The following ZNF469 variants were observed in gnomAD, a reference collection of about 807,000 sequenced individuals.
The protein encoded by ZNF469 is zinc finger protein 469.
Under a neutral mutation model 1.0 loss-of-function variants are expected in ZNF469, and 1 was observed. The ratio of observed to expected loss-of-function variants is 1.00; its 90% CI spans 0.35 to 4.73. The LOEUF is 4.73. Among genes scored for constraint, ZNF469 ranks in the 30% most tolerant of loss-of-function variants. The probability of loss-of-function intolerance (pLI) is 0.16; values close to 1 mark genes in which losing one functional copy is unlikely to be tolerated. For synonymous variants in ZNF469, 2,703 were observed against 2,363.4 expected (o/e 1.14, Z -4.17); for missense variants, 6,100 against 5,356.3 (o/e 1.14, Z -4.33).
intron 1 of ZNF469, among the ~76,000 whole-genome samples, chr16:88,394,303 C>G (rs1904592516): frequency 6.6e-6 from 1 of 152,198 alleles, no homozygotes; most frequent in Non-Finnish European, 1.5e-5. Flanking sequence ...ACGTCTACAC[C>G]TGTGCTGTCC....
the ZNF469 span, among the ~76,000 whole-genome samples, chr16:88,220,361 A>G: frequency 6.6e-6 from 1 of 152,188 alleles, no homozygotes; most frequent in Non-Finnish European, 1.5e-5. Context: ...AAATGGAGGA[A>G]GTCATGGAGG....
the ZNF469 span, among the ~76,000 whole-genome samples, chr16:88,345,419 G>T: frequency 6.6e-6 from 1 of 152,210 alleles, no homozygotes. Context: ...GTGGCCCAGG[G>T]CTTCCTTATG....
chr16:88,324,991 G>C, the ZNF469 span, among the ~76,000 whole-genome samples: 1 of 152,154 alleles, frequency 6.6e-6, no homozygotes, highest in Non-Finnish European at 1.5e-5. Context: ...AAGGTGAAGG[G>C]GGATCCAGCA....
chr16:88,410,840 G>A (rs1453194566), intron 1 of ZNF469, among the ~76,000 whole-genome samples: 10 of 152,162 alleles, frequency 6.6e-5, no homozygotes, highest in African/African-American at 1.9e-4. Flanking sequence ...GCAGTGAAGC[G>A]ATGACCCGAC....
the ZNF469 span, among the ~76,000 whole-genome samples, chr16:88,164,500 T>C: frequency 6.6e-6 from 1 of 151,722 alleles, no homozygotes; most frequent in Non-Finnish European, 1.5e-5. Context: ...TAGATGGATG[T>C]TTGGATGAGC....
At chr16:88,400,030 G>C (rs1004577341) in intron 1 of ZNF469, among the ~76,000 whole-genome samples, 2 of 152,264 alleles carry the variant, frequency 1.3e-5, no homozygotes, top group Non-Finnish European at 2.9e-5. Context: ...CTGCCTCATA[G>C]GGTGAGTGAG....
chr16:88,164,312 G>A, the ZNF469 span, among the ~76,000 whole-genome samples: 1 of 151,726 alleles, frequency 6.6e-6, no homozygotes, highest in Non-Finnish European at 1.5e-5. Flanking sequence ...GATGGATGCA[G>A]GGATGATAGA....
At chr16:88,184,641 C>A in the ZNF469 span, among the ~76,000 whole-genome samples, 1 of 151,954 alleles carries the variant, frequency 6.6e-6, no homozygotes. Flanking sequence ...TGAGTAGCAC[C>A]GCTGTCGCCG....
chr16:88,401,519 A>ATGGATGGATGGATGCATGGG (rs879284375), intron 1 of ZNF469, among the ~76,000 whole-genome samples: 9 of 106,426 alleles, frequency 8.5e-5, no homozygotes, highest in Non-Finnish European at 1.4e-4. Context: ...GGGTGAGTGG[A>ATGGATGGATGGATGCATGGG]TGGATGGATG....
the ZNF469 span, among the ~76,000 whole-genome samples, chr16:88,374,380 T>C: frequency 5.3e-5 from 8 of 152,178 alleles, no homozygotes; most frequent in African/African-American, 1.9e-4. Flanking sequence ...ACATACAGAA[T>C]GAGTGAGGTG....
chr16:88,410,706 C>T (rs950155116), intron 1 of ZNF469, among the ~76,000 whole-genome samples: 12 of 149,534 alleles, frequency 8.0e-5, no homozygotes, highest in East Asian at 2.0e-4. Flanking sequence ...ACACAGTTCA[C>T]GGTGACGTCT....
Position 88,433,072 on chromosome 16 carries a change from C to G in ZNF469, c.5602C>G (p.Pro1868Ala). 1 of 1,550,330 alleles carries G rather than the reference C, an allele frequency of 6.5e-7. No homozygotes were observed. The highest frequency in any genetic ancestry group is 8.7e-7 in the Non-Finnish European group (1 of 1,146,956). The change falls in exon 3 of 3, where the codon CCC (proline) becomes GCC (alanine). Residue 1868 changes from proline (P) to alanine (A), a missense_variant. Coordinates refer to ENST00000565624, the MANE Select transcript of ZNF469 (RefSeq NM_001367624.2). ...GGCGGGGGCCTCCTCACTGACTGCC[C>G]CCCGGGGCAGGGAGGCTTGGTTGGT... ...APAGASSLTAPRGREAWLVPV... is the reference protein window; with the variant it reads ...APAGASSLTAARGREAWLVPV...
the ZNF469 span, among the ~76,000 whole-genome samples, chr16:88,295,410 G>T: frequency 1.1e-3 from 152 of 135,572 alleles, no homozygotes; most frequent in Non-Finnish European, 1.9e-3. Flanking sequence ...AGGGCTCAGG[G>T]TCTGGGGAGG....
the ZNF469 span, among the ~76,000 whole-genome samples, chr16:88,133,254 A>C: frequency 6.6e-6 from 1 of 152,326 alleles, no homozygotes; most frequent in African/African-American, 2.4e-5. Flanking sequence ...CCTAAGAATA[A>C]AGGGTTACTT....
At chr16:88,409,272 T>G (rs1746546581) in intron 1 of ZNF469, among the ~76,000 whole-genome samples, 1 of 152,248 alleles carries the variant, frequency 6.6e-6, no homozygotes, top group Non-Finnish European at 1.5e-5. Flanking sequence ...CGAGGTCTCT[T>G]GGAGCCATCT....
the ZNF469 span, among the ~76,000 whole-genome samples, chr16:88,101,818 C>G: frequency 6.6e-6 from 1 of 152,150 alleles, no homozygotes; most frequent in Non-Finnish European, 1.5e-5. Flanking sequence ...AAGTGACAAT[C>G]GCAGCTTCCA....
the ZNF469 span, among the ~76,000 whole-genome samples, chr16:88,169,808 C>T: frequency 6.6e-6 from 1 of 152,300 alleles, no homozygotes; most frequent in African/African-American, 2.4e-5. The surrounding 1 kb of genome is among the most constrained non-coding windows in gnomAD (Gnocchi z 6.1). Context: ...ATGCCACGCT[C>T]CCACCAGCGG....
the ZNF469 span, among the ~76,000 whole-genome samples, chr16:88,344,613 T>C: frequency 3.9e-5 from 6 of 152,220 alleles, no homozygotes; most frequent in African/African-American, 1.4e-4. Context: ...GTTTTGGCCC[T>C]GCCTCTGCTG....
At chr16:88,318,772 G>A in the ZNF469 span, among the ~76,000 whole-genome samples, 2 of 152,260 alleles carry the variant, frequency 1.3e-5, no homozygotes, top group Non-Finnish European at 2.9e-5. Flanking sequence ...AAGCATGCGA[G>A]GGAGGGAGTC....
Sources: allele counts gnomAD v4.1 joint callset (sites outside exome capture counted in the v4.1 genomes callset), GRCh38; gene constraint gnomAD v4.1.1; non-coding constraint Gnocchi (gnomAD v3.1); transcripts MANE v1.5; gene names NCBI Gene and HGNC (gene_info 2026-07-23, HGNC 2026-07-21).